Variants in SHANK2 observed in about 807,000 individuals in gnomAD.
SHANK2 encodes the protein SH3 and multiple ankyrin repeat domains protein 2.
A neutral mutation model predicts 133.7 loss-of-function variants in SHANK2; 43 were observed. The observed-to-expected ratio is 0.32, with a 90% CI of 0.25 to 0.41. The LOEUF (loss-of-function observed/expected upper bound fraction) is 0.41. Ranked by LOEUF, SHANK2 falls within the 10% of genes least tolerant of loss-of-function variation. The pLI, the probability that SHANK2 is intolerant of heterozygous loss-of-function variation, is 1.00. For synonymous variants in SHANK2, 1,017 were observed against 952.8 expected (o/e 1.07, Z -1.24); for missense variants, 1,994 against 2,235.8 (o/e 0.89, Z 2.18).
At chr11:70,536,577 G>A (rs369544934) in intron 17 of SHANK2, among the ~76,000 whole-genome samples, 127 of 152,298 alleles carry the variant, frequency 8.3e-4, no homozygotes, top group African/African-American at 2.8e-3. Context: ...CACTCCCAGG[G>A]ACCCGATTCC....
At chr11:71,219,322 T>C (rs1382427584) in intron 2 of SHANK2, among the ~76,000 whole-genome samples, 1 of 152,202 alleles carries the variant, frequency 6.6e-6, no homozygotes, top group Non-Finnish European at 1.5e-5. Flanking sequence ...AATAAAACTT[T>C]ATTCACAAAA....
intron 25 of SHANK2, among the ~76,000 whole-genome samples, chr11:70,478,768 T>A (rs2058697023): frequency 6.6e-6 from 1 of 152,168 alleles, no homozygotes; most frequent in South Asian, 2.1e-4. Context: ...AGGGGTGCGA[T>A]AAATAATTGT....
chr11:71,159,813 GTC>G (rs1952975966), intron 2 of SHANK2, among the ~76,000 whole-genome samples: 1 of 151,982 alleles, frequency 6.6e-6, no homozygotes, highest in South Asian at 2.1e-4. Context: ...GCAAAACCCT[GTC>G]TCTACTGAAA....
At chr11:70,552,017 T>C (rs953178132) in intron 17 of SHANK2, among the ~76,000 whole-genome samples, 20 of 152,236 alleles carry the variant, frequency 1.3e-4, no homozygotes, top group Admixed American at 2.6e-4. Flanking sequence ...GTACATTTTA[T>C]TGGAGAGCAT....
chr11:70,926,130 G>A (rs560050751), intron 10 of SHANK2, among the ~76,000 whole-genome samples: 1 of 152,174 alleles, frequency 6.6e-6, no homozygotes, highest in African/African-American at 2.4e-5. Flanking sequence ...AAAATTAGCT[G>A]GGTGTGGTGG....
In SHANK2 at chr11:70,487,512, A is replaced by G. The variant is rs782222092; in HGVS notation, c.2781T>C (p.Asn927=). Residue 927 remains asparagine, a synonymous_variant, in exon 25 of 26, where the codon AAT becomes AAC. Transcript: ENST00000601538. The surrounding 1 kb of genome is among the most constrained non-coding windows in gnomAD (Gnocchi z 5.8). The part of the protein sequence containing the change: ...YGTIKPAFNQ[N]SAAKVSPATR... ...TGGCGGGGGACACCTTGGCGGCAGA[A>G]TTCTGATTGAACGCAGGCTTAATCG... is the stretch of plus-strand genomic sequence containing the variant. 1.2e-6 allele frequency: 2 copies of G among 1,613,782 alleles called. No individual in the cohort carries two copies. Among genetic ancestry groups the G allele is most frequent in the East Asian group, 4.5e-5 (2 of 44,830 alleles).
chr11:71,217,761 G>T (rs1354851924), intron 2 of SHANK2, among the ~76,000 whole-genome samples: 1 of 152,214 alleles, frequency 6.6e-6, no homozygotes, highest in Non-Finnish European at 1.5e-5. Flanking sequence ...ATAGAAAAAG[G>T]CTTATGGAAT....
chr11:71,183,753 G>C (rs1260192466), intron 2 of SHANK2, among the ~76,000 whole-genome samples: 1 of 152,158 alleles, frequency 6.6e-6, no homozygotes, highest in East Asian at 1.9e-4. Flanking sequence ...AGGGAGGGGA[G>C]GAGCTCCAGC....
intron 2 of SHANK2, among the ~76,000 whole-genome samples, chr11:71,221,731 G>A (rs1033720472): frequency 6.6e-6 from 1 of 152,092 alleles, no homozygotes; most frequent in Admixed American, 6.5e-5. Context: ...TACCCCTCGA[G>A]GGCAATTTTC....
In SHANK2 at chr11:70,534,275, A is replaced by C. The variant is rs1554973768; in HGVS notation, c.2062-31344T>G. Among the ~76,000 whole-genome samples the C allele has an allele frequency of 9.9e-5, 15 of 152,200 alleles. 1 individual carries two copies. The highest frequency in any genetic ancestry group is 1.5e-5 in the Non-Finnish European group (1 of 68,038). ...CCTCACATGGCGGCAGGAGAGAGAA[A>C]TGCTGAGTAAAAGGGGGAAAAGCCC... On this transcript the variant is annotated intron_variant, in intron 17 of 25. Transcript: ENST00000601538.
chr11:70,573,645 C>G (rs1467127055), intron 17 of SHANK2, among the ~76,000 whole-genome samples: 2 of 152,018 alleles, frequency 1.3e-5, no homozygotes, highest in Non-Finnish European at 2.9e-5. Flanking sequence ...CTACATTGAC[C>G]AGATCAAGCT....
chr11:70,747,799 C>T (rs779242100), intron 14 of SHANK2, among the ~76,000 whole-genome samples: 5 of 152,154 alleles, frequency 3.3e-5, no homozygotes, highest in Non-Finnish European at 7.4e-5. Flanking sequence ...GTGCAGTGTG[C>T]ATGTTTGTGA....
chr11:71,103,845 CCTCCCCCCCTCCCCTTCTCCCT>C (rs1298452772), intron 6 of SHANK2, among the ~76,000 whole-genome samples: 12 of 113,882 alleles, frequency 1.1e-4, no homozygotes, highest in Admixed American at 9.1e-4. Flanking sequence ...TCCCTCCCTC[CCTCCCCCCCTCCCCTTCTCCCT>C]CTCCCCCCCT....
intron 17 of SHANK2, among the ~76,000 whole-genome samples, chr11:70,556,484 C>T (rs1038640826): frequency 2.6e-5 from 4 of 151,582 alleles, no homozygotes; most frequent in Admixed American, 1.3e-4. Flanking sequence ...GATGCAGGCA[C>T]AGTTCACTGT....
At chr11:70,952,746 G>A in intron 10 of SHANK2, 1 of 419,668 alleles carries the variant, frequency 2.4e-6, no homozygotes, top group Non-Finnish European at 5.0e-6. Context: ...CTGGCTTCGT[G>A]TGTCCGGGGG....
intron 17 of SHANK2, among the ~76,000 whole-genome samples, chr11:70,573,557 G>GGGGGGGGGGGT (rs1554983581): frequency 1.5e-5 from 2 of 132,014 alleles, no homozygotes; most frequent in Non-Finnish European, 3.3e-5. Context: ...GGCGGGGGGG[G>GGGGGGGGGGGT]GGTGGGGCAT....
At chr11:71,216,104 C>T (rs1271016572) in intron 2 of SHANK2, among the ~76,000 whole-genome samples, 1 of 152,150 alleles carries the variant, frequency 6.6e-6, no homozygotes, top group East Asian at 1.9e-4. Flanking sequence ...CCACACGGCC[C>T]AGCAGCTCCA....
chr11:70,746,701 G>A (rs560803223), intron 14 of SHANK2, among the ~76,000 whole-genome samples: 1 of 152,264 alleles, frequency 6.6e-6, no homozygotes, highest in Admixed American at 6.5e-5. Flanking sequence ...CCTCCATCTT[G>A]TTGCTCCCCT....
At chr11:70,531,222 T>G (rs565448661) in intron 17 of SHANK2, among the ~76,000 whole-genome samples, 1 of 149,902 alleles carries the variant, frequency 6.7e-6, no homozygotes, top group African/African-American at 2.5e-5. Context: ...TATTTTACTA[T>G]GATTTAAAAT....
Sources: allele counts gnomAD v4.1 joint callset (sites outside exome capture counted in the v4.1 genomes callset), GRCh38; gene constraint gnomAD v4.1.1; non-coding constraint Gnocchi (gnomAD v3.1); transcripts MANE v1.5; gene names NCBI Gene and HGNC (gene_info 2026-07-23, HGNC 2026-07-21).